KALRN: variants seen among roughly 807,000 people sequenced by gnomAD.
KALRN encodes kalirin.
In KALRN, 70 loss-of-function variants were observed where a neutral mutation model predicts 353.7. The ratio of observed to expected loss-of-function variants is 0.20; its 90% CI spans 0.16 to 0.24. KALRN has a LOEUF of 0.24. KALRN is among the 10% of genes least tolerant of loss of function. The pLI is 1.00. For missense variants in KALRN, 2,791 were observed against 3,756.7 expected, an observed-to-expected ratio of 0.74 and a Z score of 6.72; for synonymous variants, 1,391 against 1,434.8, an observed-to-expected ratio of 0.97 and a Z score of 0.69.
In KALRN at chr3:124,316,736, A is replaced by G. The variant is rs570955578; in HGVS notation, c.1093-9244A>G. ...TAACACTGAAATAAAGATATAGTAA[A>G]TATTTATTAATTTATTGTCTGACTC... is the stretch of plus-strand genomic sequence containing the variant. On this transcript the variant is annotated intron_variant, in intron 6 of 59. Coordinates refer to ENST00000682506, the MANE Select transcript of KALRN (RefSeq NM_001388419.1). 1.0e-3 allele frequency among the ~76,000 whole-genome samples: 159 copies of G among 152,352 alleles called. 4 individuals are homozygous for G. Among genetic ancestry groups the G allele is most frequent in the Non-Finnish European group, 8.7e-4 (59 of 68,040 alleles).
intron 1 of KALRN, among the ~76,000 whole-genome samples, chr3:124,145,914 G>A (rs973509618): frequency 1.2e-4 from 19 of 152,206 alleles, no homozygotes; most frequent in Non-Finnish European, 2.6e-4. Context: ...ATGTTGAAGG[G>A]ACAAAGTGTT....
intron 51 of KALRN, among the ~76,000 whole-genome samples, chr3:124,683,290 T>G (rs1423042791): frequency 6.6e-6 from 1 of 152,192 alleles, no homozygotes; most frequent in Non-Finnish European, 1.5e-5. Context: ...TCTACCCCGG[T>G]ATCTGCACTG....
At chr3:124,640,663 C>G (rs1360604632) in intron 37 of KALRN, among the ~76,000 whole-genome samples, 1 of 152,110 alleles carries the variant, frequency 6.6e-6, no homozygotes, top group Non-Finnish European at 1.5e-5. Context: ...AGGAGGTAAC[C>G]AAACCATGTG....
chr3:124,527,200 T>C (rs1263026515), intron 33 of KALRN, among the ~76,000 whole-genome samples: 1 of 152,074 alleles, frequency 6.6e-6, no homozygotes, highest in Non-Finnish European at 1.5e-5. Flanking sequence ...ATCCAGATGA[T>C]CTCAAGGCAG....
At chr3:124,143,718 G>T (rs2066924379) in intron 1 of KALRN, among the ~76,000 whole-genome samples, 1 of 152,120 alleles carries the variant, frequency 6.6e-6, no homozygotes. Context: ...ACATAGACAG[G>T]CAGGACAAAC....
chr3:124,388,777 T>A (rs1191589258), intron 11 of KALRN, among the ~76,000 whole-genome samples: 1 of 152,146 alleles, frequency 6.6e-6, no homozygotes, highest in Non-Finnish European at 1.5e-5. Flanking sequence ...AAGACAGAAA[T>A]GAGCATCCTT....
chr3:124,087,375 C>G (rs1212229695), intron 1 of KALRN, among the ~76,000 whole-genome samples: 9 of 152,062 alleles, frequency 5.9e-5, no homozygotes, highest in Admixed American at 5.9e-4. Context: ...CTGTGACAAC[C>G]CCATCTTCAG....
At chr3:124,439,147 T>TTCTCTC in intron 18 of KALRN, 110 bp downstream of exon 18, 1 of 1,013,100 alleles carries the variant, frequency 9.9e-7, no homozygotes, top group East Asian at 2.9e-5. Context: ...CTCTTTCTCT[T>TTCTCTC]TCTCTCTCTT....
chr3:124,118,874 G>T (rs1226707006), intron 1 of KALRN, among the ~76,000 whole-genome samples: 1 of 152,214 alleles, frequency 6.6e-6, no homozygotes, highest in Non-Finnish European at 1.5e-5. Flanking sequence ...TCTTTCAGCA[G>T]TATATGTATC....
Position 124,661,911 on chromosome 3 carries a change from C to T in KALRN, c.6328C>T (p.Arg2110Cys), listed in dbSNP as rs1237812399. 3.7e-6 allele frequency: 6 copies of T among 1,613,760 alleles called. No homozygotes were observed. The highest frequency in any genetic ancestry group is 2.5e-6 in the Non-Finnish European group (3 of 1,179,818). ...CTGCAATGACATGATGAATCTAGGA[C>T]GTCTGCAGGGCTTTGAGGTGAGTCT... The part of the protein sequence containing the change: ...KRCNDMMNLG[R>C]LQGFEGTLTA... The change falls in exon 45 of 60, where the codon CGT becomes TGT. Residue 2110 changes from arginine to cysteine, a missense_variant. Coordinates refer to ENST00000682506, the MANE Select transcript of KALRN (RefSeq NM_001388419.1).
intron 1 of KALRN, among the ~76,000 whole-genome samples, chr3:124,105,534 C>T (rs1182328349): frequency 6.6e-6 from 1 of 151,962 alleles, no homozygotes; most frequent in Non-Finnish European, 1.5e-5. Context: ...GAAGAGTATT[C>T]CTTAAGGGTA....
At chr3:124,480,144 G>A (rs2061842616) in intron 27 of KALRN, among the ~76,000 whole-genome samples, 2 of 152,182 alleles carry the variant, frequency 1.3e-5, no homozygotes, top group Admixed American at 1.3e-4. Context: ...TTTCATCAGA[G>A]AGGAAAGAGT....
At chr3:124,098,472 A>G (rs970858238) in intron 1 of KALRN, among the ~76,000 whole-genome samples, 5 of 152,096 alleles carry the variant, frequency 3.3e-5, no homozygotes, top group African/African-American at 7.2e-5. Context: ...TGGCCCCAGT[A>G]TGTCTCCAGC....
At chr3:124,648,511 G>T (rs1271271642) in intron 37 of KALRN, among the ~76,000 whole-genome samples, 1 of 152,236 alleles carries the variant, frequency 6.6e-6, no homozygotes, top group Non-Finnish European at 1.5e-5. Flanking sequence ...TAGGAGCACA[G>T]AGGATACCAC....
intron 4 of KALRN, 116 bp from the exon 5 acceptor site, chr3:124,268,627 G>T: frequency 9.0e-7 from 1 of 1,109,880 alleles, no homozygotes; most frequent in East Asian, 2.4e-5. Context: ...CACCATTTCC[G>T]AGGCAGGCTG....
At chr3:124,267,686 G>A (rs1247790600) in intron 4 of KALRN, among the ~76,000 whole-genome samples, 1 of 152,228 alleles carries the variant, frequency 6.6e-6, no homozygotes, top group African/African-American at 2.4e-5. Flanking sequence ...TAGGAGAGGG[G>A]TGGAAAGAGA....
chr3:124,518,695 G>C lies in KALRN; in HGVS notation c.4935+22282G>C, dbSNP rs1208330271. On this transcript the variant is annotated intron_variant, in intron 33 of 59. Coordinates refer to ENST00000682506, the MANE Select transcript of KALRN (RefSeq NM_001388419.1). Reference sequence around the variant, plus strand: ...ACTGGGTGCAATTCGAGGTTGCTGAGCTTCTCTCCAAAGTCTAAAATGGTG... The same window carrying C: ...ACTGGGTGCAATTCGAGGTTGCTGACCTTCTCTCCAAAGTCTAAAATGGTG... The C allele has an allele frequency of 2.1e-6, 3 of 1,421,460 alleles. No homozygotes were observed. The African/African-American group carries it at 4.3e-5, about 20-fold the overall frequency. 88.1% of individuals were successfully genotyped at this position (1,421,460 alleles called of 1,614,324 possible).
chr3:124,477,374 G>T (rs1472374075), intron 27 of KALRN, 40 bp downstream of exon 27: 2 of 1,422,448 alleles, frequency 1.4e-6, no homozygotes, highest in Non-Finnish European at 2.0e-6. Flanking sequence ...TGATGAGCAG[G>T]TGGAAATGCT....
chr3:124,683,139 A>G (rs2061415006), intron 51 of KALRN, among the ~76,000 whole-genome samples: 1 of 152,226 alleles, frequency 6.6e-6, no homozygotes, highest in Non-Finnish European at 1.5e-5. Context: ...AAGAAGAGTC[A>G]AACCAAGCTG....
Sources: gnomAD v4.1 joint callset for allele counts (sites outside exome capture counted in the v4.1 genomes callset) on GRCh38, gnomAD v4.1.1 for gene constraint, MANE v1.5 for transcripts, NCBI Gene and HGNC (gene_info 2026-07-23, HGNC 2026-07-21) for gene names.